The following SHB variants were observed in gnomAD, a reference collection of about 807,000 sequenced individuals.
SHB encodes the protein SH2 domain-containing adapter protein B.
A neutral mutation model predicts 52.3 loss-of-function variants in SHB; 20 were observed. The observed-to-expected ratio is 0.38, with a 90% CI of 0.27 to 0.56. The LOEUF (loss-of-function observed/expected upper bound fraction) is 0.56, where lower values mean the gene tolerates loss of function less well. SHB is among the 20% of genes least tolerant of loss of function. The pLI, the probability that SHB is intolerant of heterozygous loss-of-function variation, is 0.71. For missense variants in SHB, 825 were observed against 723.3 expected (o/e 1.14, Z -1.61); for synonymous variants, 397 against 316.5 (o/e 1.25, Z -2.70).
intron 5 of SHB, among the ~76,000 whole-genome samples, chr9:37,931,694 A>G (rs1427908029): frequency 6.6e-6 from 1 of 152,238 alleles, no homozygotes; most frequent in African/African-American, 2.4e-5. Flanking sequence ...CTTTGTAAGG[A>G]AATTAGAAGT....
At chr9:37,967,089 G>A (rs1006060517) in intron 3 of SHB, among the ~76,000 whole-genome samples, 2 of 152,174 alleles carry the variant, frequency 1.3e-5, no homozygotes, top group Non-Finnish European at 2.9e-5. Flanking sequence ...GTGACTGTGG[G>A]CAAGCTGCTC....
chr9:37,947,507 C>G (rs937051482), intron 5 of SHB, among the ~76,000 whole-genome samples: 1 of 152,260 alleles, frequency 6.6e-6, no homozygotes, highest in Non-Finnish European at 1.5e-5. Context: ...TCCACATGCT[C>G]TCTCTTCTCT....
chr9:38,023,811 G>A (rs1821309698), intron 1 of SHB, among the ~76,000 whole-genome samples: 1 of 152,108 alleles, frequency 6.6e-6, no homozygotes, highest in South Asian at 2.1e-4. Flanking sequence ...CCAGGGCCCT[G>A]AGGGGTCCAC....
intron 1 of SHB, among the ~76,000 whole-genome samples, chr9:38,030,960 A>G (rs1821404816): frequency 6.6e-6 from 1 of 152,084 alleles, no homozygotes; most frequent in Non-Finnish European, 1.5e-5. Context: ...ATACAAAAAA[A>G]AAAGGGGGGA....
At chr9:37,923,025 C>A (rs1208774915) in intron 5 of SHB, among the ~76,000 whole-genome samples, 1 of 152,240 alleles carries the variant, frequency 6.6e-6, no homozygotes, top group African/African-American at 2.4e-5. Context: ...GCCAGGATTG[C>A]CTTCAGGGAC....
intron 2 of SHB, among the ~76,000 whole-genome samples, chr9:37,982,266 G>A (rs1205641695): frequency 1.3e-5 from 2 of 151,480 alleles, no homozygotes; most frequent in Admixed American, 6.6e-5. Flanking sequence ...GCCAAGGGGG[G>A]TGGATCACCT....
At chr9:38,046,433 A>C (rs1821652613) in intron 1 of SHB, among the ~76,000 whole-genome samples, 1 of 152,244 alleles carries the variant, frequency 6.6e-6, no homozygotes, top group Non-Finnish European at 1.5e-5. Context: ...AAACAAGAAC[A>C]AGCAGTTGCC....
At chr9:37,952,980 G>A (rs1407209516) in intron 4 of SHB, among the ~76,000 whole-genome samples, 1 of 151,990 alleles carries the variant, frequency 6.6e-6, no homozygotes, top group Non-Finnish European at 1.5e-5. Flanking sequence ...CTAGGATCCT[G>A]GGAGAGACAA....
intron 5 of SHB, among the ~76,000 whole-genome samples, chr9:37,926,145 A>G (rs751848869): frequency 9.2e-5 from 14 of 151,920 alleles, no homozygotes; most frequent in Non-Finnish European, 1.9e-4. Flanking sequence ...ATGGCAAGGT[A>G]CCTCCGTGGT....
chr9:38,051,052 T>G (rs183562467), intron 1 of SHB, among the ~76,000 whole-genome samples: 10 of 152,336 alleles, frequency 6.6e-5, no homozygotes, highest in Admixed American at 1.3e-4. Flanking sequence ...CAAAACAGTT[T>G]GCCTGGATAA....
chr9:37,960,536 A>G (rs1353828663), intron 3 of SHB, among the ~76,000 whole-genome samples: 1 of 152,192 alleles, frequency 6.6e-6, no homozygotes, highest in Non-Finnish European at 1.5e-5. Flanking sequence ...GGTTCCAATG[A>G]TGGGGACCAG....
At chr9:37,988,891 T>C (rs913458267) in intron 2 of SHB, among the ~76,000 whole-genome samples, 1 of 152,242 alleles carries the variant, frequency 6.6e-6, no homozygotes, top group African/African-American at 2.4e-5. Flanking sequence ...GCCTTTTTCC[T>C]GCCTTCAGAC....
chr9:37,962,004 C>T (rs1832696954), intron 3 of SHB, among the ~76,000 whole-genome samples: 1 of 152,184 alleles, frequency 6.6e-6, no homozygotes, highest in Non-Finnish European at 1.5e-5. Flanking sequence ...ACTCGACTCA[C>T]AGTTTAGGAG....
chr9:37,931,331 C>T (rs1832308721), intron 5 of SHB, among the ~76,000 whole-genome samples: 1 of 152,064 alleles, frequency 6.6e-6, no homozygotes, highest in Admixed American at 6.5e-5. Flanking sequence ...TATTTGCAAA[C>T]CATGCATCTG....
intron 2 of SHB, among the ~76,000 whole-genome samples, chr9:38,003,176 G>T (rs1010594500): frequency 2.0e-5 from 3 of 152,094 alleles, no homozygotes; most frequent in Admixed American, 1.3e-4. Context: ...GCTGTGCTGG[G>T]GATGAGAGTG....
chr9:37,928,732 C>T (rs760828665), intron 5 of SHB, among the ~76,000 whole-genome samples: 2 of 152,228 alleles, frequency 1.3e-5, no homozygotes, highest in Non-Finnish European at 2.9e-5. Flanking sequence ...GAAGTGTGAA[C>T]GTCTGACGAA....
chr9:37,966,909 GA>G (rs1820533815), intron 3 of SHB, among the ~76,000 whole-genome samples: 1 of 152,240 alleles, frequency 6.6e-6, no homozygotes, highest in Non-Finnish European at 1.5e-5. Context: ...GACTGTGTTT[GA>G]GGGGGACGGT....
chr9:37,971,803 T>G (rs1229916310), intron 3 of SHB, among the ~76,000 whole-genome samples: 1 of 152,238 alleles, frequency 6.6e-6, no homozygotes, highest in Non-Finnish European at 1.5e-5. Flanking sequence ...ATCTGAGACC[T>G]TATGATCCTT....
chr9:38,045,274 C>G (rs925830218), intron 1 of SHB, among the ~76,000 whole-genome samples: 1 of 152,126 alleles, frequency 6.6e-6, no homozygotes, highest in Non-Finnish European at 1.5e-5. Context: ...CATGGGATAT[C>G]AGGTATGGAA....
Sources: gnomAD v4.1 joint callset for allele counts (sites outside exome capture counted in the v4.1 genomes callset) on GRCh38, gnomAD v4.1.1 for gene constraint, MANE v1.5 for transcripts, NCBI Gene and HGNC (gene_info 2026-07-23, HGNC 2026-07-21) for gene names.